The following DSCAM variants were observed in gnomAD, a reference collection of about 807,000 sequenced individuals.
The protein encoded by DSCAM is cell adhesion molecule DSCAM.
DSCAM carries 47 observed loss-of-function variants against 217.7 expected under a neutral mutation model. That is an observed-to-expected ratio of 0.22 (90% CI 0.17 to 0.28). DSCAM has a LOEUF of 0.28. Ranked by LOEUF, DSCAM falls within the 10% of genes least tolerant of loss-of-function variation. The pLI is 1.00. For missense variants in DSCAM, 2,080 were observed against 2,618.3 expected (o/e 0.79, Z 4.49); for synonymous variants, 1,056 against 1,015.3 (o/e 1.04, Z -0.76).
chr21:40,137,530 C>T (rs741802), intron 18 of DSCAM, among the ~76,000 whole-genome samples: 40,881 of 151,300 alleles, frequency 0.27, 6,019 homozygotes, highest in Non-Finnish European at 0.33. Flanking sequence ...TTCTTTTTAA[C>T]GCTTTTTCTT....
At chr21:40,288,777 C>G (rs187407571) in intron 10 of DSCAM, among the ~76,000 whole-genome samples, 11 of 152,262 alleles carry the variant, frequency 7.2e-5, no homozygotes, top group Non-Finnish European at 1.5e-4. Flanking sequence ...TGCCAGAAGC[C>G]ATAATAAATG....
At chr21:40,354,017 G>C (rs1189278895) in intron 4 of DSCAM, among the ~76,000 whole-genome samples, 2 of 152,172 alleles carry the variant, frequency 1.3e-5, no homozygotes, top group Non-Finnish European at 2.9e-5. Context: ...GCTTCAACAA[G>C]AGCTGTCAGC....
At position 40,178,963 on chromosome 21, in the gene DSCAM, G is replaced by C. The variant is rs758475833; in HGVS notation, c.2911C>G (p.Pro971Ala). 3.7e-6 allele frequency: 6 copies of C among 1,614,048 alleles called. No homozygotes were observed. The South Asian group carries it at 5.5e-5, about 15-fold the overall frequency. ...GCCGTGATGGTGAGCTCGTTGCTGG[G>C]CTCGCTCTTGCCAATCCGGTTCTTG... is the stretch of plus-strand genomic sequence containing the variant. ...YAKNRIGKSE[P>A]SNELTITADE... is the part of the protein sequence containing the mutation. Residue 971 changes from proline (P) to alanine (A), a missense_variant, in exon 15 of 33, where the codon CCC becomes GCC. By Grantham distance (27) the Pro-to-Ala change is conservative. Coordinates refer to ENST00000400454, the MANE Select transcript of DSCAM (RefSeq NM_001389.5).
chr21:40,736,807 T>C (rs2091067935), intron 1 of DSCAM, among the ~76,000 whole-genome samples: 1 of 147,776 alleles, frequency 6.8e-6, no homozygotes, highest in South Asian at 2.1e-4. Flanking sequence ...TTAAATAGCA[T>C]AGGGTTTTTT....
intron 3 of DSCAM, among the ~76,000 whole-genome samples, chr21:40,606,489 A>G (rs1349781235): frequency 6.6e-6 from 1 of 152,222 alleles, no homozygotes; most frequent in African/African-American, 2.4e-5. Context: ...AAACACAAAT[A>G]TTTGTCAAGT....
intron 3 of DSCAM, among the ~76,000 whole-genome samples, chr21:40,577,666 T>A (rs1448144035): frequency 6.6e-6 from 1 of 151,928 alleles, no homozygotes; most frequent in African/African-American, 2.4e-5. Flanking sequence ...AAGAAGGGGG[T>A]AGATTTTCTT....
rs145488023 is a variant in DSCAM at position 40,327,012 on chromosome 21, C to A, written c.1783+11089G>T. Among the ~76,000 whole-genome samples, 1,000 of 150,830 alleles carry A rather than the reference C, an allele frequency of 6.6e-3. 10 individuals carry two copies. Among genetic ancestry groups the A allele is most frequent in the African/African-American group, 0.023 (942 of 41,162 alleles). ...AAATGTTATATAGGTGTATGAAGTACACAATTTTATTGAATTTATATATTT... is the reference window on the plus strand; with the variant it reads ...AAATGTTATATAGGTGTATGAAGTAAACAATTTTATTGAATTTATATATTT... On this transcript the variant is annotated intron_variant, in intron 8 of 32. Transcript: ENST00000400454.
chr21:40,313,934 A>T (rs2074168327), intron 8 of DSCAM, among the ~76,000 whole-genome samples: 5 of 152,220 alleles, frequency 3.3e-5, no homozygotes, highest in Admixed American at 2.0e-4. Context: ...TTTATTCAAC[A>T]ATTGTAAGTC....
intron 19 of DSCAM, among the ~76,000 whole-genome samples, chr21:40,125,458 C>T (rs2090083790): frequency 6.6e-6 from 1 of 152,158 alleles, no homozygotes; most frequent in Non-Finnish European, 1.5e-5. Context: ...AATAGAAGTC[C>T]CTTGCAAGCC....
chr21:40,801,890 G>T (rs889362507), intron 1 of DSCAM, among the ~76,000 whole-genome samples: 1 of 152,168 alleles, frequency 6.6e-6, no homozygotes, highest in Non-Finnish European at 1.5e-5. Flanking sequence ...TGTCACAGGG[G>T]GGGTTGCCAC....
chr21:40,835,421 C>T (rs1361478541), intron 1 of DSCAM, among the ~76,000 whole-genome samples: 2 of 152,258 alleles, frequency 1.3e-5, no homozygotes, highest in South Asian at 2.1e-4. Flanking sequence ...ATAATGCCCC[C>T]ACCCCCTTTT....
At chr21:40,290,177 A>C (rs900360356) in intron 10 of DSCAM, among the ~76,000 whole-genome samples, 1 of 152,230 alleles carries the variant, frequency 6.6e-6, no homozygotes, top group African/African-American at 2.4e-5. Context: ...ACCCTGAAGA[A>C]GAAAATTAAA....
At chr21:40,498,766 T>C (rs1395412339) in intron 3 of DSCAM, among the ~76,000 whole-genome samples, 10 of 35,756 alleles carry the variant, frequency 2.8e-4, no homozygotes, top group African/African-American at 1.6e-3. Context: ...TGGGTGTATA[T>C]ATATATATGG....
intron 3 of DSCAM, among the ~76,000 whole-genome samples, chr21:40,597,161 T>A (rs2077027302): frequency 6.6e-6 from 1 of 152,178 alleles, no homozygotes; most frequent in Non-Finnish European, 1.5e-5. Flanking sequence ...CACAACATAA[T>A]GCATATATTT....
chr21:40,745,235 T>G (rs1281874705), intron 1 of DSCAM, among the ~76,000 whole-genome samples: 4 of 152,152 alleles, frequency 2.6e-5, no homozygotes, highest in Non-Finnish European at 5.9e-5. Flanking sequence ...CTAGAAAGCA[T>G]GTTTAAGGAA....
At chr21:40,413,506 G>T (rs1000177322) in intron 3 of DSCAM, among the ~76,000 whole-genome samples, 1 of 152,216 alleles carries the variant, frequency 6.6e-6, no homozygotes, top group Non-Finnish European at 1.5e-5. Context: ...CTGGATTTGG[G>T]ACTTACATGG....
chr21:40,266,635 T>TTTTATATATATA (rs1233684162), intron 11 of DSCAM, among the ~76,000 whole-genome samples: 4 of 62,642 alleles, frequency 6.4e-5, no homozygotes, highest in Admixed American at 1.7e-4. Flanking sequence ...CAAAGATGTT[T>TTTTATATATATA]TATATATATA....
chr21:40,646,410 CAAAAA>C (rs112111569), intron 3 of DSCAM, among the ~76,000 whole-genome samples: 4,847 of 129,102 alleles, frequency 0.038, 166 homozygotes, highest in East Asian at 0.18. Context: ...GAGACTCTGT[CAAAAA>C]AAAAAAAAAA....
intron 11 of DSCAM, among the ~76,000 whole-genome samples, chr21:40,200,244 C>G (rs577137294): frequency 6.6e-6 from 1 of 152,266 alleles, no homozygotes; most frequent in South Asian, 2.1e-4. Flanking sequence ...AATTCATCCC[C>G]CAAACTTTTT....
Sources: gnomAD v4.1 joint callset for allele counts (sites outside exome capture counted in the v4.1 genomes callset) on GRCh38, gnomAD v4.1.1 for gene constraint, MANE v1.5 for transcripts, NCBI Gene and HGNC (gene_info 2026-07-23, HGNC 2026-07-21) for gene names.